Variants in KLRK1 observed in about 807,000 individuals in gnomAD.
KLRK1 encodes NKG2-D type II integral membrane protein.
In KLRK1, 40 loss-of-function variants were observed where a neutral mutation model predicts 31.3. The ratio of observed to expected loss-of-function variants is 1.28; its 90% CI spans 0.99 to 1.67. The LOEUF is 1.67. Among genes scored for constraint, KLRK1 ranks in the 40% most tolerant of loss-of-function variants. KLRK1 has a pLI of 0.00. For synonymous variants in KLRK1, 77 were observed against 77.3 expected (o/e 1.00, Z 0.02); for missense variants, 251 against 260.0 (o/e 0.97, Z 0.24).
chr12:10,381,965 T>C (rs1055777974), intron 3 of KLRK1: 1 of 152,286 alleles, frequency 6.6e-6, no homozygotes, highest in Non-Finnish European at 1.5e-5. Context: ...AGAGACCCCA[T>C]GGCCCTTGAT....
chr12:10,386,216 TC>T (rs1484807474), intron 3 of KLRK1, among the ~76,000 whole-genome samples: 1 of 152,000 alleles, frequency 6.6e-6, no homozygotes, highest in Admixed American at 6.6e-5. Flanking sequence ...TTTGAGTCTC[TC>T]TCTGGGATAA....
At chr12:10,381,429 ATATC>A (rs1424967129) in intron 3 of KLRK1, among the ~76,000 whole-genome samples, 3 of 152,326 alleles carry the variant, frequency 2.0e-5, no homozygotes, top group South Asian at 2.1e-4. Context: ...CAAAAGGACA[ATATC>A]TATCATCATA....
chr12:10,388,048 G>A (rs1222495568), intron 2 of KLRK1, among the ~76,000 whole-genome samples: 1 of 151,994 alleles, frequency 6.6e-6, no homozygotes, highest in Non-Finnish European at 1.5e-5. Flanking sequence ...GGGTGCATGC[G>A]AAGGTTTGTT....
intron 5 of KLRK1, chr12:10,379,236 A>G: frequency 9.2e-6 from 1 of 108,782 alleles, no homozygotes; most frequent in Non-Finnish European, 2.0e-5. Flanking sequence ...AAAAAAAAAG[A>G]GAGAGAGAGA....
intron 7 of KLRK1, chr12:10,374,194 A>G (rs944305005): frequency 5.3e-5 from 8 of 152,032 alleles, no homozygotes; most frequent in African/African-American, 1.7e-4. Context: ...TTTTATTTTT[A>G]GTAGAGATGG....
At chr12:10,387,578 T>G (rs1288832688) in intron 2 of KLRK1, among the ~76,000 whole-genome samples, 2 of 151,198 alleles carry the variant, frequency 1.3e-5, no homozygotes, top group Non-Finnish European at 3.0e-5. Flanking sequence ...TTCTTTTCTT[T>G]TTTTTTTTTT....
intron 3 of KLRK1, chr12:10,381,825 G>T (rs975936698): frequency 2.0e-5 from 3 of 152,160 alleles, no homozygotes; most frequent in African/African-American, 7.2e-5. Context: ...TTGCCTAAAC[G>T]CCTCTCTTCC....
rs567610360 is a variant in KLRK1 at position 10,384,835 on chromosome 12, G to A, written c.148+2068C>T. Among the ~76,000 whole-genome samples, 24 of 152,136 alleles carry A rather than the reference G, an allele frequency of 1.6e-4. No homozygotes were observed. In the East Asian group the frequency reaches 2.7e-3, roughly 17 times the overall value. On this transcript the variant is annotated intron_variant, in intron 3 of 7. Coordinates refer to ENST00000240618, the MANE Select transcript of KLRK1 (RefSeq NM_007360.4). Reference sequence around the variant, plus strand: ...ACTTGTAGAATAAGAGAAAATACTCGCAAACTATTCCTCTAACAAGAGACC... The same window carrying A: ...ACTTGTAGAATAAGAGAAAATACTCACAAACTATTCCTCTAACAAGAGACC...
intron 3 of KLRK1, among the ~76,000 whole-genome samples, chr12:10,384,228 A>G (rs76515532): frequency 0.06 from 9,190 of 152,124 alleles, 602 homozygotes; most frequent in South Asian, 0.27. Context: ...TACCAGTAAC[A>G]TTCTCTACAG....
intron 3 of KLRK1, among the ~76,000 whole-genome samples, chr12:10,380,323 C>A (rs1470147101): frequency 6.6e-6 from 1 of 152,110 alleles, no homozygotes; most frequent in Non-Finnish European, 1.5e-5. Context: ...CCTCGGCCTC[C>A]CAAAGTGCTG....
intron 6 of KLRK1, 53 bp downstream of exon 6, chr12:10,378,501 G>A: frequency 1.2e-5 from 19 of 1,596,940 alleles, no homozygotes; most frequent in East Asian, 2.2e-5. Flanking sequence ...CCAGTGAGTT[G>A]TCTCAGATGT....
intron 7 of KLRK1, 119 bp from the exon 8 acceptor site, chr12:10,373,350 A>T: frequency 1.3e-6 from 1 of 763,524 alleles, no homozygotes; most frequent in Non-Finnish European, 2.0e-6. Flanking sequence ...GAGATTATGG[A>T]CCATGCCTGG....
Position 10,373,259 on chromosome 12 carries a change from T to C in KLRK1, c.534-28A>G, listed in dbSNP as rs559983115. 6 of 1,530,468 alleles carry C rather than the reference T, an allele frequency of 3.9e-6. No homozygotes were observed. The African/African-American group carries it at 7.1e-5, about 18-fold the overall frequency. 94.8% of individuals were successfully genotyped at this position (1,530,468 alleles called of 1,614,324 possible). A position where few individuals can be genotyped will look rare whatever the true frequency, so the allele number is the denominator to read the frequency against. ...AGAGGAGAGACAATTACAAATTACA[T>C]ACATGATTTTATTAACGCGGGAAAA... On this transcript the variant is annotated intron_variant, in intron 7 of 7. Coordinates refer to ENST00000240618, the MANE Select transcript of KLRK1 (RefSeq NM_007360.4).
chr12:10,386,924 T>A lies in KLRK1; in HGVS notation c.127A>T (p.Lys43Ter). 1.7e-5 allele frequency: 28 copies of A among 1,611,960 alleles called. No homozygotes were observed. The highest frequency in any genetic ancestry group is 2.4e-5 in the Non-Finnish European group (28 of 1,179,036). Reference protein sequence around the residue: ...RWQKQRCPVVKSKCRENASPF... With the variant: ...RWQKQRCPVV ...TTACCATTTTCTCTACATTTGCTTT[T>A]GACTACTGGACATCTTTGCTTTTGC... The change falls in exon 3 of 8, where the codon AAA becomes TAA. Residue 43 changes from lysine (K) to a stop codon, truncating the protein, a stop_gained. Transcript: ENST00000240618. LOFTEE classifies it high-confidence loss of function.
Position 10,386,848 on chromosome 12 carries a change from T to C in KLRK1, c.148+55A>G, listed in dbSNP as rs1188639444. On this transcript the variant is annotated intron_variant, in intron 3 of 7. Transcript: ENST00000240618. ...GATTGCCATTCATTTAATCACATAG[T>C]TTCCAAGATTCATTTCAATATACTG... 2.1e-6 allele frequency: 3 copies of C among 1,397,642 alleles called. No individual in the cohort carries two copies. The Admixed American group carries it at 6.8e-5, about 32-fold the overall frequency. 86.6% of individuals were successfully genotyped at this position (1,397,642 alleles called of 1,614,324 possible).
intron 6 of KLRK1, 108 bp from the exon 7 acceptor site, chr12:10,378,343 C>G (rs771257484): frequency 2.7e-5 from 36 of 1,338,294 alleles, no homozygotes; most frequent in Non-Finnish European, 3.5e-5. Flanking sequence ...AAAATGCATT[C>G]TGTCCACTAA....
intron 7 of KLRK1, among the ~76,000 whole-genome samples, chr12:10,377,261 T>TA (rs957630255): frequency 6.6e-6 from 1 of 152,086 alleles, no homozygotes; most frequent in African/African-American, 2.4e-5. Flanking sequence ...TGTGGCACTT[T>TA]AAAAAAAGTT....
chr12:10,387,063 G>A, intron 2 of KLRK1, 53 bp from the exon 3 acceptor site: 1 of 1,440,160 alleles, frequency 6.9e-7, no homozygotes, highest in Non-Finnish European at 9.4e-7. Context: ...TGCCATTTGG[G>A]GCATAAATTT....
At chr12:10,375,280 T>G (rs918264666) in intron 7 of KLRK1, among the ~76,000 whole-genome samples, 10 of 152,186 alleles carry the variant, frequency 6.6e-5, no homozygotes, top group Admixed American at 4.6e-4. Context: ...GAGCACTTTT[T>G]TAGTCATTTA....
Sources: gnomAD v4.1 joint callset for allele counts (sites outside exome capture counted in the v4.1 genomes callset) on GRCh38, gnomAD v4.1.1 for gene constraint, MANE v1.5 for transcripts, NCBI Gene and HGNC (gene_info 2026-07-23, HGNC 2026-07-21) for gene names.